The following ZCCHC2 variants were observed in gnomAD, a reference collection of about 807,000 sequenced individuals.
ZCCHC2 encodes the protein zinc finger CCHC domain-containing protein 2.
In ZCCHC2, 39 loss-of-function variants were observed where a neutral mutation model predicts 103.6. The observed-to-expected ratio is 0.38, with a 90% CI of 0.29 to 0.49. The LOEUF (loss-of-function observed/expected upper bound fraction) is 0.49, where lower values mean the gene tolerates loss of function less well. Among genes scored for constraint, ZCCHC2 ranks in the 20% least tolerant of loss-of-function variants. ZCCHC2 has a pLI of 0.96. For synonymous variants in ZCCHC2, 687 were observed against 608.9 expected, an observed-to-expected ratio of 1.13 and a Z score of -1.89; for missense variants, 1,483 against 1,491.0, an observed-to-expected ratio of 0.99 and a Z score of 0.09.
rs1479317537 is a variant in ZCCHC2, at chr18:62,524,500, G to C, written c.939+137G>C. 8 of 1,319,820 alleles carry C rather than the reference G, an allele frequency of 6.1e-6. No individual in the cohort carries two copies. The South Asian group carries it at 1.3e-4, about 22-fold the overall frequency. The allele number at this position is 1,319,820 out of a possible 1,614,324, so 81.8% of individuals were successfully genotyped here. A position where few individuals can be genotyped will look rare whatever the true frequency, so the allele number is the denominator to read the frequency against. On this transcript the variant is annotated intron_variant, in intron 1 of 13. Transcript: ENST00000269499. ...CGGAATCCCCACCCGGCAGCTCCCA[G>C]CGCCAGAGGGCTGAGCTTCGTCTCG...
chr18:62,585,701 G>A (rs1290962416), exon 15 of ZCCHC2: 1 of 152,224 alleles, frequency 6.6e-6, no homozygotes, highest in African/African-American at 2.4e-5. Flanking sequence ...GTAGTTGCAC[G>A]ATTAAACCTG....
chr18:62,586,469 G>C (rs1028294825), exon 15 of ZCCHC2: 5 of 151,416 alleles, frequency 3.3e-5, no homozygotes, highest in South Asian at 2.1e-4. Context: ...CTCTCTGCTT[G>C]CATGTGTAAA....
intron 12 of ZCCHC2, among the ~76,000 whole-genome samples, chr18:62,572,703 G>T (rs1402283374): frequency 6.6e-6 from 1 of 152,178 alleles, no homozygotes; most frequent in South Asian, 2.1e-4. Context: ...GTCTCAGGAT[G>T]CTTAGAAAAC....
chr18:62,585,215 A>G (rs1281025276), exon 15 of ZCCHC2: 1 of 152,262 alleles, frequency 6.6e-6, no homozygotes, highest in African/African-American at 2.4e-5. Context: ...GCAGATTTTA[A>G]ATGTGTACAG....
intron 5 of ZCCHC2, 33 bp downstream of exon 5, chr18:62,550,493 A>C: frequency 1.3e-6 from 2 of 1,555,968 alleles, no homozygotes; most frequent in Non-Finnish European, 1.8e-6. Flanking sequence ...TCATAGCAGC[A>C]TACACACAGG....
rs1220503676 is a variant in ZCCHC2 at position 62,556,281 on chromosome 18, C to T, written c.1392C>T (p.Asp464=). Residue 464 remains aspartate, a synonymous_variant, in exon 6 of 14, where the codon GAC becomes GAT. Coordinates refer to ENST00000269499, the MANE Select transcript of ZCCHC2 (RefSeq NM_017742.6). ...VHSFFQSISS[D]SLHSINNLQS... ...GCTTCTTTCAGTCCATATCATCAGACTCCCTACACAGTATCAGTAAGCATC... is the reference window on the plus strand; with the variant it reads ...GCTTCTTTCAGTCCATATCATCAGATTCCCTACACAGTATCAGTAAGCATC... The T allele has an allele frequency of 1.2e-6, 2 of 1,602,262 alleles. No homozygotes were observed. The highest frequency in any genetic ancestry group is 1.7e-6 in the Non-Finnish European group (2 of 1,173,976).
chr18:62,537,767 G>C (rs1914992769), intron 1 of ZCCHC2, among the ~76,000 whole-genome samples: 1 of 152,166 alleles, frequency 6.6e-6, no homozygotes, highest in Non-Finnish European at 1.5e-5. Flanking sequence ...TTGCATTTCT[G>C]CTTTCAGTTC....
At chr18:62,535,485 G>A (rs1914879850) in intron 1 of ZCCHC2, among the ~76,000 whole-genome samples, 1 of 152,128 alleles carries the variant, frequency 6.6e-6, no homozygotes, top group Non-Finnish European at 1.5e-5. Flanking sequence ...TGTGGGTGAG[G>A]GATTTAGACA....
chr18:62,549,219 A>C (rs1476131109), intron 4 of ZCCHC2, among the ~76,000 whole-genome samples: 1 of 142,268 alleles, frequency 7.0e-6, no homozygotes, highest in African/African-American at 2.7e-5. Flanking sequence ...ACTCCGTCTC[A>C]AAAAAAAAAA....
chr18:62,527,749 A>T (rs1052990928), intron 1 of ZCCHC2, among the ~76,000 whole-genome samples: 12 of 152,230 alleles, frequency 7.9e-5, no homozygotes, highest in African/African-American at 2.9e-4. Context: ...AGGAAGTTAC[A>T]GACTGCTTAT....
chr18:62,531,169 C>A (rs1914657387), intron 1 of ZCCHC2, among the ~76,000 whole-genome samples: 1 of 152,070 alleles, frequency 6.6e-6, no homozygotes, highest in Admixed American at 6.6e-5. Context: ...GACAGTACTT[C>A]TTTTACTTAC....
chr18:62,555,746 T>G (rs990818691), intron 5 of ZCCHC2, among the ~76,000 whole-genome samples: 1 of 151,788 alleles, frequency 6.6e-6, no homozygotes, highest in African/African-American at 2.4e-5. Context: ...AGGCGGAGGT[T>G]GCAGTGAGCT....
At chr18:62,558,144 C>T (rs1192296831) in intron 6 of ZCCHC2, among the ~76,000 whole-genome samples, 1 of 151,798 alleles carries the variant, frequency 6.6e-6, no homozygotes, top group African/African-American at 2.4e-5. Flanking sequence ...AGATGTTGAA[C>T]TGTGGAGTCC....
rs1426397399 is a variant in ZCCHC2, at chr18:62,524,365, T to G, written c.939+2T>G. On this transcript the variant is annotated splice_donor_variant, in intron 1 of 13. Coordinates refer to ENST00000269499, the MANE Select transcript of ZCCHC2 (RefSeq NM_017742.6). LOFTEE classifies it high-confidence loss of function. ...AAGTTTGCCGGCCCCAGGGCCCAGG[T>G]AAGGCGCACGGAGCCTCCCTGGACT... 6.6e-7 allele frequency: 1 copy of G among 1,508,688 alleles called. No homozygotes were observed. The allele number at this position is 1,508,688 out of a possible 1,614,324, so 93.5% of individuals were successfully genotyped here. A position where few individuals can be genotyped will look rare whatever the true frequency, so the allele number is the denominator to read the frequency against.
intron 10 of ZCCHC2, 63 bp from the exon 11 acceptor site, chr18:62,564,939 T>C (rs1285695490): frequency 1.7e-6 from 2 of 1,188,690 alleles, no homozygotes; most frequent in Non-Finnish European, 2.5e-6. Flanking sequence ...TTATCAATAC[T>C]GTACTGAATG....
intron 1 of ZCCHC2, among the ~76,000 whole-genome samples, chr18:62,532,482 C>A (rs1434797555): frequency 6.6e-6 from 1 of 152,210 alleles, no homozygotes; most frequent in East Asian, 1.9e-4. Context: ...AACATTTAAT[C>A]ATACTATCTT....
chr18:62,563,649 C>T (rs1340274410), intron 9 of ZCCHC2, among the ~76,000 whole-genome samples: 2 of 151,938 alleles, frequency 1.3e-5, no homozygotes, highest in Non-Finnish European at 2.9e-5. Flanking sequence ...AGAGTGAAAC[C>T]CTGTCTCTAA....
chr18:62,542,431 C>T, intron 2 of ZCCHC2, 67 bp from the exon 3 acceptor site: 1 of 1,303,992 alleles, frequency 7.7e-7, no homozygotes, highest in Non-Finnish European at 1.1e-6. Flanking sequence ...TTTAGGGTTA[C>T]TTTAGGTAAG....
intron 5 of ZCCHC2, among the ~76,000 whole-genome samples, chr18:62,553,449 CTTTTTA>C (rs1915754158): frequency 6.6e-6 from 1 of 151,568 alleles, no homozygotes; most frequent in South Asian, 2.1e-4. Flanking sequence ...TAATTTTTTA[CTTTTTA>C]TTTTTATTAA....
Sources: allele counts gnomAD v4.1 joint callset (sites outside exome capture counted in the v4.1 genomes callset), GRCh38; gene constraint gnomAD v4.1.1; transcripts MANE v1.5; gene names NCBI Gene and HGNC (gene_info 2026-07-23, HGNC 2026-07-21).